RGS7BP: variants seen among roughly 807,000 people sequenced by gnomAD.
The protein encoded by RGS7BP is regulator of G protein signaling 7-binding protein.
In RGS7BP, 9 loss-of-function variants were observed where a neutral mutation model predicts 31.3. That is an observed-to-expected ratio of 0.29 (90% CI 0.17 to 0.50). The LOEUF is 0.50. Among genes scored for constraint, RGS7BP ranks in the 20% least tolerant of loss-of-function variants. RGS7BP has a pLI of 0.98. For missense variants in RGS7BP, 274 were observed against 322.0 expected (o/e 0.85, Z 1.14); for synonymous variants, 115 against 120.1 (o/e 0.96, Z 0.28).
chr5:64,600,872 A>G (rs116741525), intron 5 of RGS7BP, among the ~76,000 whole-genome samples: 1,844 of 152,246 alleles, frequency 0.012, 40 homozygotes, highest in African/African-American at 0.043. Flanking sequence ...GATCCAGAGG[A>G]AACCTGAAGA....
At chr5:64,530,970 A>G (rs1231657328) in intron 2 of RGS7BP, among the ~76,000 whole-genome samples, 2 of 152,200 alleles carry the variant, frequency 1.3e-5, no homozygotes, top group Non-Finnish European at 2.9e-5. Context: ...GCCCTAGCCA[A>G]CACCACTGAT....
At chr5:64,572,578 C>T (rs1580443570) in intron 2 of RGS7BP, among the ~76,000 whole-genome samples, 1 of 152,040 alleles carries the variant, frequency 6.6e-6, no homozygotes, top group Non-Finnish European at 1.5e-5. Flanking sequence ...TTTCCCAAGA[C>T]ATTAAAGGAC....
At chr5:64,514,976 GTCT>G (rs1347802632) in intron 2 of RGS7BP, among the ~76,000 whole-genome samples, 2 of 152,180 alleles carry the variant, frequency 1.3e-5, no homozygotes, top group Admixed American at 1.3e-4. Flanking sequence ...CCTTGTTAGA[GTCT>G]TCTTAATAGA....
At chr5:64,550,362 G>A (rs1020781998) in intron 2 of RGS7BP, among the ~76,000 whole-genome samples, 5 of 152,120 alleles carry the variant, frequency 3.3e-5, no homozygotes, top group African/African-American at 1.2e-4. Context: ...TTGGCAGAGT[G>A]AAAGAGAGAA....
chr5:64,507,900 G>A, intron 2 of RGS7BP, 23 bp downstream of exon 2: 1 of 1,602,464 alleles, frequency 6.2e-7, no homozygotes, highest in Non-Finnish European at 8.5e-7. Flanking sequence ...GCATTATTTG[G>A]TAATCCATAT....
At chr5:64,524,481 C>T (rs868220694) in intron 2 of RGS7BP, among the ~76,000 whole-genome samples, 4 of 152,096 alleles carry the variant, frequency 2.6e-5, no homozygotes, top group Admixed American at 6.5e-5. Context: ...ATGACTAACA[C>T]AGAGTTTCAT....
intron 2 of RGS7BP, among the ~76,000 whole-genome samples, chr5:64,550,226 A>C (rs534813776): frequency 1.3e-5 from 2 of 152,324 alleles, no homozygotes; most frequent in African/African-American, 4.8e-5. Context: ...CAGGTGGCTT[A>C]AACAACAGAC....
In RGS7BP at chr5:64,506,795, TG is replaced by T. The variant is rs763311739; in HGVS notation, c.165+7del. ...CCCTGGACGACTGCAAGATGGTGGG[TG>T]AAAACTGCGCCTCTTTTTTTTTTTT... On this transcript the variant is annotated splice_region_variant and intron_variant, in intron 1 of 5. Coordinates refer to ENST00000334025, the MANE Select transcript of RGS7BP (RefSeq NM_001029875.3). This position sits in a 1 kb window ranked among gnomAD's most constrained non-coding sequence, Gnocchi z 4.6. The T allele has an allele frequency of 1.3e-6, 2 of 1,494,566 alleles. No homozygotes were observed. Among genetic ancestry groups the T allele is most frequent in the South Asian group, 1.3e-5 (1 of 76,630 alleles). 92.6% of individuals were successfully genotyped at this position (1,494,566 alleles called of 1,614,324 possible).
Position 64,609,347 on chromosome 5 carries a change from G to A in RGS7BP, c.*95G>A, listed in dbSNP as rs1007597932. 4 of 756,544 alleles carry A rather than the reference G, an allele frequency of 5.3e-6. No homozygotes were observed. Among genetic ancestry groups the A allele is most frequent in the African/African-American group, 1.7e-5 (1 of 57,882 alleles). 46.9% of individuals were successfully genotyped at this position (756,544 alleles called of 1,614,324 possible). A position where few individuals can be genotyped will look rare whatever the true frequency, so the allele number is the denominator to read the frequency against. ...CTGAACCACACAGTTATTGGTTTTT[G>A]ACTATGTTTTCTATGCTTCCTTATT... On this transcript the variant is annotated 3_prime_UTR_variant, in exon 6 of 6. Coordinates refer to ENST00000334025, the MANE Select transcript of RGS7BP (RefSeq NM_001029875.3).
At chr5:64,538,215 T>C (rs1741422040) in intron 2 of RGS7BP, among the ~76,000 whole-genome samples, 1 of 152,124 alleles carries the variant, frequency 6.6e-6, no homozygotes, top group African/African-American at 2.4e-5. Context: ...TGGCTTAACT[T>C]ACACACAATA....
At chr5:64,531,864 T>C (rs1749378253) in intron 2 of RGS7BP, among the ~76,000 whole-genome samples, 2 of 152,206 alleles carry the variant, frequency 1.3e-5, no homozygotes, top group African/African-American at 2.4e-5. Flanking sequence ...ATTAATAACA[T>C]TGGAGTAGCA....
At chr5:64,510,880 T>A (rs1289098885) in intron 2 of RGS7BP, among the ~76,000 whole-genome samples, 1 of 152,240 alleles carries the variant, frequency 6.6e-6, no homozygotes, top group Non-Finnish European at 1.5e-5. Flanking sequence ...TCATGGCTAT[T>A]GCTTAAGCAC....
At chr5:64,570,345 A>G (rs1742275575) in intron 2 of RGS7BP, among the ~76,000 whole-genome samples, 1 of 152,062 alleles carries the variant, frequency 6.6e-6, no homozygotes, top group Admixed American at 6.6e-5. Flanking sequence ...TGTTATTCCA[A>G]TTTTACAGCT....
intron 2 of RGS7BP, among the ~76,000 whole-genome samples, chr5:64,523,925 TATTATA>T (rs1749171104): frequency 6.6e-6 from 1 of 152,174 alleles, no homozygotes; most frequent in African/African-American, 2.4e-5. Context: ...CCATCAATCT[TATTATA>T]ATTAGGATCA....
chr5:64,608,012 G>A (rs1261894815), intron 5 of RGS7BP, among the ~76,000 whole-genome samples: 1 of 152,032 alleles, frequency 6.6e-6, no homozygotes, highest in Non-Finnish European at 1.5e-5. Flanking sequence ...CTGCTTCTGT[G>A]CCCTTTGCCA....
chr5:64,526,171 T>C (rs1419519584), intron 2 of RGS7BP, among the ~76,000 whole-genome samples: 3 of 152,180 alleles, frequency 2.0e-5, no homozygotes, highest in Non-Finnish European at 4.4e-5. Context: ...TGACTAAACT[T>C]ACGGGTTTAT....
At chr5:64,545,432 C>T (rs766144301) in intron 2 of RGS7BP, among the ~76,000 whole-genome samples, 11 of 151,748 alleles carry the variant, frequency 7.2e-5, no homozygotes, top group East Asian at 5.8e-4. Flanking sequence ...AAAAAAGAGT[C>T]GGCTTTTATC....
chr5:64,601,851 T>C (rs982326969), intron 5 of RGS7BP, among the ~76,000 whole-genome samples: 5 of 152,198 alleles, frequency 3.3e-5, no homozygotes, highest in Admixed American at 2.0e-4. Context: ...ATGCATGCTG[T>C]TATCAAACAA....
At chr5:64,540,390 A>G (rs907313330) in intron 2 of RGS7BP, among the ~76,000 whole-genome samples, 2 of 152,122 alleles carry the variant, frequency 1.3e-5, no homozygotes, top group Non-Finnish European at 2.9e-5. Context: ...TTTTTAACCA[A>G]CCAAACAAGC....
Sources: gnomAD v4.1 joint callset for allele counts (sites outside exome capture counted in the v4.1 genomes callset) on GRCh38, gnomAD v4.1.1 for gene constraint, Gnocchi (gnomAD v3.1) non-coding constraint, MANE v1.5 for transcripts, NCBI Gene and HGNC (gene_info 2026-07-23, HGNC 2026-07-21) for gene names.